PHRF1: variants seen among roughly 807,000 people sequenced by gnomAD.
PHRF1 encodes the protein PHD and RING finger domain-containing protein 1.
A neutral mutation model predicts 128.9 loss-of-function variants in PHRF1; 53 were observed. The observed-to-expected ratio is 0.41, with a 90% CI of 0.33 to 0.52. The LOEUF (loss-of-function observed/expected upper bound fraction) is 0.52, where lower values mean the gene tolerates loss of function less well. Among genes scored for constraint, PHRF1 ranks in the 20% least tolerant of loss-of-function variants. The pLI is 0.21. For missense variants in PHRF1, 2,503 were observed against 2,284.5 expected (o/e 1.10, Z -1.95); for synonymous variants, 1,178 against 980.6 (o/e 1.20, Z -3.76).
At chr11:588,565 G>C (rs1228510976) in intron 4 of PHRF1, among the ~76,000 whole-genome samples, 1 of 151,916 alleles carries the variant, frequency 6.6e-6, no homozygotes, top group Non-Finnish European at 1.5e-5. Context: ...TTTTAGTAGA[G>C]ACAGGGTTTC....
chr11:594,085 C>T (rs758268205), intron 6 of PHRF1, among the ~76,000 whole-genome samples: 3 of 152,208 alleles, frequency 2.0e-5, no homozygotes, highest in Non-Finnish European at 2.9e-5. Flanking sequence ...TGACTTACAC[C>T]GTGAATATAT....
At chr11:581,629 G>A in intron 2 of PHRF1, 23 bp downstream of exon 2, 1 of 1,594,522 alleles carries the variant, frequency 6.3e-7, no homozygotes, top group Non-Finnish European at 8.6e-7. Context: ...GCGCCGGGTA[G>A]GGGCGTCCCC....
intron 6 of PHRF1, among the ~76,000 whole-genome samples, chr11:593,894 C>A (rs577776743): frequency 6.6e-6 from 1 of 152,160 alleles, no homozygotes; most frequent in Non-Finnish European, 1.5e-5. Flanking sequence ...TTGTGAGTTT[C>A]CTGAGTGCTC....
chr11:597,823 G>A lies in PHRF1; in HGVS notation c.894+253G>A, dbSNP rs1453578683. 6.6e-6 allele frequency among the ~76,000 whole-genome samples: 1 copy of A among 152,126 alleles called. No individual in the cohort carries two copies. Among genetic ancestry groups the A allele is most frequent in the Non-Finnish European group, 1.5e-5 (1 of 67,984 alleles). On this transcript the variant is annotated intron_variant, in intron 8 of 17. Coordinates refer to ENST00000264555, the MANE Select transcript of PHRF1 (RefSeq NM_001286581.2). The surrounding 1 kb of genome is among the most constrained non-coding windows in gnomAD (Gnocchi z 6.5). Reference sequence around the variant, plus strand: ...GTGAAGCCTGGCCCTGGCGGGGTGGGGGCTCTAGGAAACCCCCCTTGTTCC... The same window carrying A: ...GTGAAGCCTGGCCCTGGCGGGGTGGAGGCTCTAGGAAACCCCCCTTGTTCC...
At chr11:595,298 G>C (rs1018859726) in intron 6 of PHRF1, among the ~76,000 whole-genome samples, 1 of 152,124 alleles carries the variant, frequency 6.6e-6, no homozygotes, top group Non-Finnish European at 1.5e-5. Flanking sequence ...ACTCCAGAGA[G>C]ACTAAAAACA....
At chr11:599,082 C>T (rs776425893) in intron 9 of PHRF1, among the ~76,000 whole-genome samples, 1 of 152,298 alleles carries the variant, frequency 6.6e-6, no homozygotes, top group Non-Finnish European at 1.5e-5. Context: ...ACACCCCCGG[C>T]GCTGGTGCGC....
chr11:591,414 C>G lies in PHRF1; in HGVS notation c.451C>G (p.Leu151Val). 6.2e-7 allele frequency: 1 copy of G among 1,610,022 alleles called. No individual in the cohort carries two copies. Among genetic ancestry groups the G allele is most frequent in the Non-Finnish European group, 8.5e-7 (1 of 1,178,384 alleles). Residue 151 changes from leucine (L) to valine (V), a missense_variant, in exon 5 of 18, where the codon CTA (leucine) becomes GTA (valine). By Grantham distance (32) the Leu-to-Val change is conservative (BLOSUM62 1). Transcript: ENST00000264555. The stretch of plus-strand genomic sequence containing the variant: ...CAATTCCTGTCCAGTTGATCGAACT[C>G]TATTTAAGTGCATTTGTATTCGAGC... ...NANSCPVDRT[L>V]FKCICIRAQF...
intron 4 of PHRF1, among the ~76,000 whole-genome samples, chr11:591,147 C>G (rs1333015321): frequency 6.6e-6 from 1 of 152,186 alleles, no homozygotes; most frequent in Non-Finnish European, 1.5e-5. Context: ...ATTGTTCTTA[C>G]TTGTCACTGA....
In PHRF1 at chr11:597,081, C is replaced by A; in HGVS notation, c.718+61C>A. On this transcript the variant is annotated intron_variant, in intron 7 of 17. Transcript: ENST00000264555. The surrounding 1 kb of genome is among the most constrained non-coding windows in gnomAD (Gnocchi z 6.5). ...GCCTTCTCACTGTCCACTCTGCGGT[C>A]CCCGGGGTTAGGTTTGGCTGCTGTG... The A allele has an allele frequency of 6.5e-7, 1 of 1,531,346 alleles. No homozygotes were observed. Among genetic ancestry groups the A allele is most frequent in the Non-Finnish European group, 8.9e-7 (1 of 1,119,446 alleles). 94.9% of individuals were successfully genotyped at this position (1,531,346 alleles called of 1,614,324 possible).
chr11:610,301 G>A lies in PHRF1; in HGVS notation c.4370G>A (p.Ser1457Asn). ...GTGTTCTCCGAGCTGCCCTTTCCCA[G>A]TCACGTGCTTCCGGAACCCGGGTTC... is the stretch of plus-strand genomic sequence containing the variant. ...RQVFSELPFP[S>N]HVLPEPGFPD... is the part of the protein sequence containing the mutation. The change falls in exon 15 of 18, where the codon AGT becomes AAT. Residue 1457 changes from serine (S) to asparagine (N), a missense_variant. Ser to Asn is a conservative substitution (Grantham distance 46). Coordinates refer to ENST00000264555, the MANE Select transcript of PHRF1 (RefSeq NM_001286581.2). 6.4e-7 allele frequency: 1 copy of A among 1,564,956 alleles called. No individual in the cohort carries two copies. The highest frequency in any genetic ancestry group is 1.2e-5 in the South Asian group (1 of 85,100).
In PHRF1 at chr11:608,212, G is replaced by A. The variant is rs768792432; in HGVS notation, c.2756G>A (p.Arg919Gln). ...GCCGAGGGGGCCTCTGACACGGAGC[G>A]AGAGGAGCCCACAGAGAGCCAGGGC... ...VAAEGASDTE[R>Q]EEPTESQGLA... The change falls in exon 14 of 18, where the codon CGA (arginine) becomes CAA (glutamine). Residue 919 changes from arginine to glutamine, a missense_variant. Coordinates refer to ENST00000264555, the MANE Select transcript of PHRF1 (RefSeq NM_001286581.2). 11 of 1,609,466 alleles carry A rather than the reference G, an allele frequency of 6.8e-6. No individual in the cohort carries two copies. Among genetic ancestry groups the A allele is most frequent in the Non-Finnish European group, 9.3e-6 (11 of 1,179,814 alleles).
chr11:596,614 C>A (rs1246036878), intron 6 of PHRF1, among the ~76,000 whole-genome samples: 2 of 152,250 alleles, frequency 1.3e-5, no homozygotes, highest in South Asian at 4.1e-4. Flanking sequence ...ATCTGAGATA[C>A]CAGCAGGCCT....
chr11:592,359 T>C (rs1444355234), intron 5 of PHRF1, among the ~76,000 whole-genome samples, 200 bp from the exon 6 acceptor site: 1 of 152,222 alleles, frequency 6.6e-6, no homozygotes, highest in South Asian at 2.1e-4. Flanking sequence ...TGTTGAATAC[T>C]TTCCTCTTAG....
chr11:587,903 A>G (rs146801817), intron 4 of PHRF1, among the ~76,000 whole-genome samples: 71 of 152,354 alleles, frequency 4.7e-4, no homozygotes, highest in African/African-American at 1.6e-3. Flanking sequence ...TCCTTAAAAC[A>G]GGTGAATAGA....
chr11:585,980 G>C (rs1022318739), intron 3 of PHRF1, among the ~76,000 whole-genome samples: 1 of 152,120 alleles, frequency 6.6e-6, no homozygotes, highest in Non-Finnish European at 1.5e-5. Flanking sequence ...TCCTGTCTCA[G>C]CCTCCCAAGT....
intron 6 of PHRF1, among the ~76,000 whole-genome samples, chr11:594,021 C>G (rs1183020673): frequency 1.3e-5 from 2 of 152,202 alleles, no homozygotes; most frequent in African/African-American, 2.4e-5. Context: ...CTTGACTATC[C>G]CAGCAGCCTG....
At chr11:594,323 G>A (rs1214833096) in intron 6 of PHRF1, among the ~76,000 whole-genome samples, 6 of 152,248 alleles carry the variant, frequency 3.9e-5, no homozygotes, top group Non-Finnish European at 7.3e-5. Flanking sequence ...GGCCCTCATC[G>A]CAGGCCAGGG....
intron 1 of PHRF1, among the ~76,000 whole-genome samples, chr11:579,220 T>TCCCCCAGCCCTGCTCCTC (rs554733182): frequency 0.013 from 1,503 of 114,704 alleles, 22 homozygotes; most frequent in African/African-American, 0.046. Context: ...ACCCTGGGAC[T>TCCCCCAGCCCTGCTCCTC]CCCCCAGCCC....
At chr11:582,560 C>G (rs918210305) in intron 3 of PHRF1, among the ~76,000 whole-genome samples, 7 of 151,884 alleles carry the variant, frequency 4.6e-5, no homozygotes, top group African/African-American at 1.5e-4. Flanking sequence ...GAGTCTCGCT[C>G]TGTCGCCCAG....
Sources: gnomAD v4.1 joint callset for allele counts (sites outside exome capture counted in the v4.1 genomes callset) on GRCh38, gnomAD v4.1.1 for gene constraint, Gnocchi (gnomAD v3.1) non-coding constraint, MANE v1.5 for transcripts, NCBI Gene and HGNC (gene_info 2026-07-23, HGNC 2026-07-21) for gene names.